PDE4B: variants seen among roughly 807,000 people sequenced by gnomAD.
PDE4B encodes 3',5'-cyclic-AMP phosphodiesterase 4B.
In PDE4B, 20 loss-of-function variants were observed where a neutral mutation model predicts 82.2. That is an observed-to-expected ratio of 0.24 (90% confidence interval 0.17 to 0.35). The LOEUF (loss-of-function observed/expected upper bound fraction) is 0.35. PDE4B is among the 10% of genes least tolerant of loss of function. The pLI, the probability that PDE4B is intolerant of heterozygous loss-of-function variation, is 1.00. For synonymous variants in PDE4B, 320 were observed against 318.9 expected, an observed-to-expected ratio of 1.00 and a Z score of -0.04; for missense variants, 655 against 907.2, an observed-to-expected ratio of 0.72 and a Z score of 3.57.
At chr1:66,344,141 T>C (rs1341140916) in intron 8 of PDE4B, among the ~76,000 whole-genome samples, 1 of 152,206 alleles carries the variant, frequency 6.6e-6, no homozygotes, top group Non-Finnish European at 1.5e-5. Context: ...GCTGGCTCCA[T>C]TCTATAAGTG....
chr1:65,845,910 A>G (rs1315452649), intron 1 of PDE4B, among the ~76,000 whole-genome samples: 2 of 152,206 alleles, frequency 1.3e-5, no homozygotes, highest in African/African-American at 4.8e-5. Context: ...GGGCTTAGAG[A>G]ATAGGGAAGT....
At chr1:66,016,757 G>A (rs1014525626) in intron 3 of PDE4B, among the ~76,000 whole-genome samples, 2 of 152,180 alleles carry the variant, frequency 1.3e-5, no homozygotes, top group Non-Finnish European at 2.9e-5. Context: ...TATAGTTTAT[G>A]TATTTATCTT....
intron 3 of PDE4B, among the ~76,000 whole-genome samples, chr1:66,222,779 G>T (rs897638560): frequency 2.0e-5 from 3 of 152,136 alleles, no homozygotes; most frequent in Non-Finnish European, 4.4e-5. Context: ...CCTGACATAA[G>T]AATAGACGCT....
At chr1:66,051,783 GAT>G (rs903642587) in intron 3 of PDE4B, among the ~76,000 whole-genome samples, 1 of 152,026 alleles carries the variant, frequency 6.6e-6, no homozygotes, top group African/African-American at 2.4e-5. Context: ...TATAACATTT[GAT>G]ATGTTTTCTG....
At chr1:66,105,609 A>G (rs1480087210) in intron 3 of PDE4B, among the ~76,000 whole-genome samples, 1 of 151,888 alleles carries the variant, frequency 6.6e-6, no homozygotes, top group Non-Finnish European at 1.5e-5. Context: ...ATCCTCTTTT[A>G]TTTCCTTGAG....
At chr1:66,163,840 A>C (rs972497193) in intron 3 of PDE4B, among the ~76,000 whole-genome samples, 4 of 139,794 alleles carry the variant, frequency 2.9e-5, no homozygotes, top group African/African-American at 1.0e-4. Flanking sequence ...TTCACCTGGT[A>C]CTGGTGTGTG....
At chr1:66,030,720 C>A (rs889886570) in intron 3 of PDE4B, among the ~76,000 whole-genome samples, 2 of 152,170 alleles carry the variant, frequency 1.3e-5, no homozygotes, top group African/African-American at 2.4e-5. Context: ...AGGAGCCCAT[C>A]AGCAGAGGAT....
At chr1:66,153,529 C>T (rs1646444173) in intron 3 of PDE4B, among the ~76,000 whole-genome samples, 1 of 152,008 alleles carries the variant, frequency 6.6e-6, no homozygotes, top group African/African-American at 2.4e-5. Context: ...GTCTTTGTTC[C>T]CAAAAGGGTA....
At chr1:65,873,548 GT>G (rs1325986843) in intron 1 of PDE4B, among the ~76,000 whole-genome samples, 2 of 152,270 alleles carry the variant, frequency 1.3e-5, no homozygotes, top group African/African-American at 4.8e-5. Context: ...CTACAATTAT[GT>G]TGTACAATGC....
At chr1:65,992,140 A>G (rs1237393897) in intron 3 of PDE4B, among the ~76,000 whole-genome samples, 3 of 150,000 alleles carry the variant, frequency 2.0e-5, no homozygotes, top group East Asian at 1.9e-4. Flanking sequence ...AGAAGGGAGG[A>G]AAAAAAAACT....
chr1:66,217,533 C>A (rs1289096356), intron 3 of PDE4B, among the ~76,000 whole-genome samples: 2 of 152,022 alleles, frequency 1.3e-5, no homozygotes, highest in Non-Finnish European at 2.9e-5. Flanking sequence ...TGAACTCGAC[C>A]AAAAGTCAAA....
At chr1:65,875,897 C>T (rs1646635670) in intron 1 of PDE4B, among the ~76,000 whole-genome samples, 1 of 150,896 alleles carries the variant, frequency 6.6e-6, no homozygotes, top group Non-Finnish European at 1.5e-5. Context: ...TACATGTATA[C>T]ATATGTAACT....
At chr1:66,075,126 C>G (rs1178966142) in intron 3 of PDE4B, among the ~76,000 whole-genome samples, 1 of 151,998 alleles carries the variant, frequency 6.6e-6, no homozygotes, top group African/African-American at 2.4e-5. Context: ...CAGAGTAGCC[C>G]TGCTCTTCAA....
At chr1:65,870,541 T>C (rs1646561214) in intron 1 of PDE4B, among the ~76,000 whole-genome samples, 1 of 152,170 alleles carries the variant, frequency 6.6e-6, no homozygotes, top group East Asian at 1.9e-4. Context: ...ACAAACAAAT[T>C]AATACCTTTC....
intron 3 of PDE4B, among the ~76,000 whole-genome samples, chr1:66,108,306 T>C (rs1252595709): frequency 6.6e-6 from 1 of 151,916 alleles, no homozygotes; most frequent in East Asian, 1.9e-4. Flanking sequence ...TTCATCCACT[T>C]GGATTAAAAA....
chr1:66,251,551 A>G (rs547535256), intron 4 of PDE4B, among the ~76,000 whole-genome samples: 2 of 152,318 alleles, frequency 1.3e-5, no homozygotes, highest in East Asian at 3.9e-4. Flanking sequence ...AAGGGTACGG[A>G]AACATTAGAA....
chr1:66,359,638 G>T (rs1009525557), intron 9 of PDE4B, among the ~76,000 whole-genome samples: 1 of 152,148 alleles, frequency 6.6e-6, no homozygotes, highest in Non-Finnish European at 1.5e-5. Context: ...AAGGGAAAAG[G>T]CTGCTGGTCC....
At chr1:65,890,127 T>G (rs1169297863) in intron 1 of PDE4B, among the ~76,000 whole-genome samples, 1 of 151,020 alleles carries the variant, frequency 6.6e-6, no homozygotes, top group Non-Finnish European at 1.5e-5. Flanking sequence ...AATTTAAAGC[T>G]TGACAAATTT....
intron 10 of PDE4B, among the ~76,000 whole-genome samples, chr1:66,362,738 C>T (rs915972455): frequency 3.3e-5 from 5 of 152,102 alleles, no homozygotes; most frequent in Non-Finnish European, 7.4e-5. Flanking sequence ...CCTGATCTGG[C>T]CTTCAGTGAT....
Sources: gnomAD v4.1 joint callset for allele counts (sites outside exome capture counted in the v4.1 genomes callset) on GRCh38, gnomAD v4.1.1 for gene constraint, MANE v1.5 for transcripts, NCBI Gene and HGNC (gene_info 2026-07-23, HGNC 2026-07-21) for gene names.